Variants in ARMH1 observed in about 807,000 individuals in gnomAD.
The protein encoded by ARMH1 is armadillo like helical domain containing 1.
ARMH1 carries 34 observed loss-of-function variants against 50.2 expected under a neutral mutation model. That is an observed-to-expected ratio of 0.68 (90% CI 0.51 to 0.90). ARMH1 has a LOEUF of 0.90. Ranked by LOEUF, ARMH1 falls within the 40% of genes least tolerant of loss-of-function variation. The pLI, the probability that ARMH1 is intolerant of heterozygous loss-of-function variation, is 0.00. For missense variants in ARMH1, 538 were observed against 553.9 expected, an observed-to-expected ratio of 0.97 and a Z score of 0.29; for synonymous variants, 221 against 224.2, an observed-to-expected ratio of 0.99 and a Z score of 0.13.
intron 6 of ARMH1, chr1:44,723,694 C>T: frequency 6.2e-6 from 1 of 161,624 alleles, no homozygotes; most frequent in Non-Finnish European, 1.3e-5. Context: ...TTTCTCTAAA[C>T]TGCCGCCTAC....
intron 6 of ARMH1, among the ~76,000 whole-genome samples, chr1:44,714,639 A>G (rs937578774): frequency 4.0e-5 from 6 of 151,572 alleles, no homozygotes; most frequent in Admixed American, 2.6e-4. Flanking sequence ...AGAATTAATT[A>G]CAGAATGTCA....
At chr1:44,723,889 C>T in intron 6 of ARMH1, 1 of 509,542 alleles carries the variant, frequency 2.0e-6, no homozygotes, top group Non-Finnish European at 3.4e-6. Context: ...GCGCTGACAT[C>T]CTAGGCCGCC....
In ARMH1 at chr1:44,724,688, A is replaced by T; in HGVS notation, c.1050+20A>T. On this transcript the variant is annotated intron_variant, in intron 9 of 11. Coordinates refer to ENST00000535358, the MANE Select transcript of ARMH1 (RefSeq NM_001145636.2). The surrounding 1 kb of genome is among the most constrained non-coding windows in gnomAD (Gnocchi z 6.4). ...CTGGAGGTGCGCGCGGCGGCTGGTTAGGGGGCGGGAAGGGCGGCGGCACCC... is the reference window on the plus strand; with the variant it reads ...CTGGAGGTGCGCGCGGCGGCTGGTTTGGGGGCGGGAAGGGCGGCGGCACCC... 1 of 1,482,430 alleles carries T rather than the reference A, an allele frequency of 6.7e-7. No homozygotes were observed. The highest frequency in any genetic ancestry group is 8.9e-7 in the Non-Finnish European group (1 of 1,123,334). The allele number at this position is 1,482,430 out of a possible 1,614,324, so 91.8% of individuals were successfully genotyped here. A position where few individuals can be genotyped will look rare whatever the true frequency, so the allele number is the denominator to read the frequency against.
chr1:44,723,924 C>T, intron 6 of ARMH1, 198 bp from the exon 7 acceptor site: 1 of 633,398 alleles, frequency 1.6e-6, no homozygotes, highest in South Asian at 2.4e-5. Context: ...CACCATCCAA[C>T]CCTTCCTCCT....
chr1:44,704,305 T>A, intron 6 of ARMH1, 132 bp downstream of exon 6: 1 of 703,856 alleles, frequency 1.4e-6, no homozygotes, highest in Non-Finnish European at 2.5e-6. Context: ...AGATGCTGGT[T>A]CAGAAAATGT....
intron 3 of ARMH1, 129 bp downstream of exon 3, chr1:44,697,299 G>T: frequency 1.4e-6 from 1 of 715,796 alleles, no homozygotes; most frequent in South Asian, 1.7e-5. Context: ...CTTGGGATGG[G>T]CCCAGAGGTA....
intron 6 of ARMH1, among the ~76,000 whole-genome samples, chr1:44,714,440 C>T (rs567111367): frequency 6.6e-6 from 1 of 152,008 alleles, no homozygotes; most frequent in South Asian, 2.1e-4. Flanking sequence ...ACAAAATTAG[C>T]CGGGCGTGGT....
intron 1 of ARMH1, among the ~76,000 whole-genome samples, chr1:44,680,208 ACT>A (rs1443034404): frequency 6.6e-6 from 1 of 151,838 alleles, no homozygotes; most frequent in Non-Finnish European, 1.5e-5. Context: ...GTTTTGAGAC[ACT>A]CTGTCACCCA....
At position 44,701,254 on chromosome 1, in the gene ARMH1, G is replaced by A. The variant is rs750034772; in HGVS notation, c.639+135G>A. 1.8e-4 allele frequency: 159 copies of A among 881,782 alleles called. 1 individual carries two copies. The highest frequency in any genetic ancestry group is 3.6e-4 in the Middle Eastern group (1 of 2,796). 54.6% of individuals were successfully genotyped at this position (881,782 alleles called of 1,614,324 possible). ...ACTGCATGTCTGTTGTTCAATCAGCGTTACTTCCAGAAGGCCAAGGTAGGG... is the reference window on the plus strand; with the variant it reads ...ACTGCATGTCTGTTGTTCAATCAGCATTACTTCCAGAAGGCCAAGGTAGGG... On this transcript the variant is annotated intron_variant, in intron 5 of 11. Coordinates refer to ENST00000535358, the MANE Select transcript of ARMH1 (RefSeq NM_001145636.2).
At chr1:44,719,411 A>G (rs1404923862) in intron 6 of ARMH1, among the ~76,000 whole-genome samples, 1 of 152,158 alleles carries the variant, frequency 6.6e-6, no homozygotes, top group Non-Finnish European at 1.5e-5. Context: ...TTGACACACC[A>G]GCCAAAACTC....
At chr1:44,712,341 C>T (rs546025582) in intron 6 of ARMH1, among the ~76,000 whole-genome samples, 5 of 152,036 alleles carry the variant, frequency 3.3e-5, no homozygotes, top group Non-Finnish European at 7.4e-5. Flanking sequence ...GCCTGTAATC[C>T]CAGCTACTTG....
At chr1:44,707,041 C>T (rs1646372723) in intron 6 of ARMH1, among the ~76,000 whole-genome samples, 1 of 152,156 alleles carries the variant, frequency 6.6e-6, no homozygotes, top group Non-Finnish European at 1.5e-5. Context: ...CTGCCTTCAA[C>T]CCCTGCCCAA....
At chr1:44,697,925 T>C in intron 3 of ARMH1, 138 bp from the exon 4 acceptor site, 2 of 563,608 alleles carry the variant, frequency 3.5e-6, no homozygotes, top group Non-Finnish European at 5.9e-6. Context: ...ATTTCCACAC[T>C]CGTATCACTT....
At chr1:44,707,247 CTGAGTGAG>C (rs58030485) in intron 6 of ARMH1, among the ~76,000 whole-genome samples, 4 of 151,940 alleles carry the variant, frequency 2.6e-5, no homozygotes, top group Middle Eastern at 3.2e-3. Flanking sequence ...TGCATGTTTG[CTGAGTGAG>C]TGAGTGAGTG....
chr1:44,678,714 G>A (rs1645212893), intron 1 of ARMH1, among the ~76,000 whole-genome samples: 1 of 152,138 alleles, frequency 6.6e-6, no homozygotes, highest in Non-Finnish European at 1.5e-5. Context: ...TGTCTCCGAG[G>A]CCATGTGGGG....
In ARMH1 at chr1:44,718,911, G is replaced by A. The variant is rs1316020468; in HGVS notation, c.725-5211G>A. ...AGTGTGGTGCATGCCTGTAATCCCA[G>A]CTACTTGGGAGGCTGAGATAGGAGA... On this transcript the variant is annotated intron_variant, in intron 6 of 11. Coordinates refer to ENST00000535358, the MANE Select transcript of ARMH1 (RefSeq NM_001145636.2). 2.0e-5 allele frequency among the ~76,000 whole-genome samples: 3 copies of A among 151,176 alleles called. No individual in the cohort carries two copies. In the East Asian group the frequency reaches 5.9e-4, roughly 29 times the overall value.
Position 44,724,561 on chromosome 1 carries a change from A to T in ARMH1, c.943A>T (p.Ser315Cys). Reference sequence around the variant, plus strand: ...CAGGGTCCTGGCGCGCAACGACATGAGCATCGCCGAGGAGCTGCTGTACCT... The same window carrying T: ...CAGGGTCCTGGCGCGCAACGACATGTGCATCGCCGAGGAGCTGCTGTACCT... ...AIGVLARNDM[S>C]IAEELLYLRV... is the part of the protein sequence containing the mutation. The change falls in exon 9 of 12, where the codon AGC (serine) becomes TGC (cysteine). Residue 315 changes from serine to cysteine, a missense_variant. Ser to Cys is a moderately radical substitution (Grantham distance 112). Transcript: ENST00000535358. This position sits in a 1 kb window ranked among gnomAD's most constrained non-coding sequence, Gnocchi z 6.4. The T allele has an allele frequency of 6.6e-7, 1 of 1,513,948 alleles. No homozygotes were observed. The highest frequency in any genetic ancestry group is 2.1e-5 in the Admixed American group (1 of 48,518). 93.8% of individuals were successfully genotyped at this position (1,513,948 alleles called of 1,614,324 possible).
chr1:44,698,253 G>A (rs1235210059), intron 4 of ARMH1, 24 bp downstream of exon 4: 1 of 1,540,580 alleles, frequency 6.5e-7, no homozygotes, highest in South Asian at 1.2e-5. Flanking sequence ...GTGACAAGAT[G>A]TGTCTCCCTA....
intron 1 of ARMH1, among the ~76,000 whole-genome samples, chr1:44,686,246 T>C (rs1645468475): frequency 6.6e-6 from 1 of 152,192 alleles, no homozygotes; most frequent in South Asian, 2.1e-4. Flanking sequence ...TTTGGGACAT[T>C]TGGAATGAAA....
Sources: gnomAD v4.1 joint callset for allele counts (sites outside exome capture counted in the v4.1 genomes callset) on GRCh38, gnomAD v4.1.1 for gene constraint, Gnocchi (gnomAD v3.1) non-coding constraint, MANE v1.5 for transcripts, NCBI Gene and HGNC (gene_info 2026-07-23, HGNC 2026-07-21) for gene names.